The following COL18A1 variants were observed in gnomAD, a reference collection of about 807,000 sequenced individuals.
COL18A1 encodes collagen alpha-1(XVIII) chain.
Under a neutral mutation model 168.0 loss-of-function variants are expected in COL18A1, and 133 were observed. The observed-to-expected ratio is 0.79, with a 90% CI of 0.69 to 0.91. COL18A1 has a LOEUF of 0.91. COL18A1 is among the 40% of genes least tolerant of loss of function. COL18A1 has a pLI of 0.00. For missense variants in COL18A1, 2,126 were observed against 1,925.4 expected (o/e 1.10, Z -1.95); for synonymous variants, 949 against 809.0 (o/e 1.17, Z -2.94).
intron 2 of COL18A1, among the ~76,000 whole-genome samples, chr21:45,464,970 T>C (rs2035153147): frequency 6.6e-6 from 1 of 152,172 alleles, no homozygotes; most frequent in African/African-American, 2.4e-5. Flanking sequence ...GCTGCACATG[T>C]GTACATATGC....
At chr21:45,502,188 G>A (rs11702255) in intron 32 of COL18A1, among the ~76,000 whole-genome samples, 54,205 of 151,832 alleles carry the variant, frequency 0.36, 9,961 homozygotes, top group Middle Eastern at 0.46. Flanking sequence ...CCCCAGGGAC[G>A]GCTCCTGTGG....
chr21:45,476,330 A>ACCT (rs2035648524), intron 5 of COL18A1, 21 bp from the exon 6 acceptor site: 4 of 1,613,524 alleles, frequency 2.5e-6, no homozygotes, highest in African/African-American at 2.7e-5. Context: ...ATAACAGGCC[A>ACCT]CCTCCCCTCT....
intron 2 of COL18A1, among the ~76,000 whole-genome samples, chr21:45,448,836 C>G (rs1186856375): frequency 1.3e-5 from 2 of 152,258 alleles, no homozygotes. Flanking sequence ...GCTCTGTAGT[C>G]TGTTGACTCT....
chr21:45,472,263 GC>G (rs1458196164), intron 3 of COL18A1, among the ~76,000 whole-genome samples: 5 of 150,216 alleles, frequency 3.3e-5, no homozygotes, highest in Admixed American at 6.6e-5. Flanking sequence ...TCGCTCTGTC[GC>G]CCAGGCTGGA....
chr21:45,487,266 CG>C (rs565010849), intron 16 of COL18A1, among the ~76,000 whole-genome samples, 180 bp from the exon 17 acceptor site: 47 of 152,250 alleles, frequency 3.1e-4, no homozygotes, highest in African/African-American at 1.1e-3. Flanking sequence ...CGGGCTGCCC[CG>C]GGGGGGCTCC....
At chr21:45,495,914 T>TTCCATG in intron 29 of COL18A1, 1 of 311,778 alleles carries the variant, frequency 3.2e-6, no homozygotes. Flanking sequence ...CCCTGGCCCA[T>TTCCATG]TCCATGATGG....
intron 38 of COL18A1, among the ~76,000 whole-genome samples, chr21:45,508,048 G>GA: frequency 6.6e-6 from 1 of 151,598 alleles, no homozygotes; most frequent in Admixed American, 6.6e-5. Context: ...TACGTAGGTA[G>GA]ATGGGGAGGT....
chr21:45,416,610 G>A (rs1183809589), intron 2 of COL18A1, among the ~76,000 whole-genome samples: 1 of 152,046 alleles, frequency 6.6e-6, no homozygotes, highest in Non-Finnish European at 1.5e-5. Context: ...CCTGGACCGC[G>A]GTCCGTCCTC....
intron 10 of COL18A1, 50 bp downstream of exon 10, chr21:45,480,014 C>T (rs1459452147): frequency 2.5e-6 from 4 of 1,613,198 alleles, no homozygotes; most frequent in African/African-American, 1.3e-5. Flanking sequence ...GCCCTTGGCT[C>T]AAGGTGGGGG....
At chr21:45,454,428 A>C (rs1241775987) in intron 2 of COL18A1, among the ~76,000 whole-genome samples, 4 of 152,110 alleles carry the variant, frequency 2.6e-5, no homozygotes, top group Non-Finnish European at 4.4e-5. Context: ...GAGGGACTCC[A>C]GCTGGGGGAG....
At chr21:45,405,912 A>G (rs1359197875) in intron 2 of COL18A1, among the ~76,000 whole-genome samples, 11 of 151,224 alleles carry the variant, frequency 7.3e-5, no homozygotes, top group Non-Finnish European at 3.0e-5. Flanking sequence ...CAACCTGTTG[A>G]GGCTCCTCGC....
intron 5 of COL18A1, among the ~76,000 whole-genome samples, chr21:45,475,750 C>G (rs13052052): frequency 2.6e-5 from 4 of 152,266 alleles, no homozygotes; most frequent in African/African-American, 9.6e-5. Flanking sequence ...CGCCGCGTGT[C>G]TCTGGTGAGA....
In COL18A1 at chr21:45,422,189, C is replaced by T. The variant is rs543426269; in HGVS notation, c.106+16716C>T. Among the ~76,000 whole-genome samples the T allele has an allele frequency of 9.2e-5, 14 of 152,282 alleles. No homozygotes were observed. In the South Asian group the frequency reaches 2.7e-3, roughly 29 times the overall value. ...GGGCTCACACACACACACACACATG[C>T]AGGCACACACAGGCTCACTGTGAGG... On this transcript the variant is annotated intron_variant, in intron 2 of 41. Transcript: ENST00000651438.
intron 2 of COL18A1, chr21:45,456,936 T>C: frequency 7.5e-7 from 1 of 1,331,782 alleles, no homozygotes; most frequent in South Asian, 1.7e-5. Flanking sequence ...GCCAGGTAAG[T>C]GTGGGCGGGG....
chr21:45,494,328 G>C, intron 26 of COL18A1: 2 of 562,524 alleles, frequency 3.6e-6, no homozygotes, highest in East Asian at 3.7e-5. Flanking sequence ...CCCCAAACCC[G>C]ACCCTCCCCT....
chr21:45,460,310 C>A (rs570051084), intron 2 of COL18A1, among the ~76,000 whole-genome samples: 1 of 152,144 alleles, frequency 6.6e-6, no homozygotes, highest in Non-Finnish European at 1.5e-5. Context: ...CAGAGTGGGG[C>A]GCAACTGGGC....
rs9979599 is a variant in COL18A1 at position 45,479,758 on chromosome 21, G to A, written c.1249-144G>A. ...CGGGAGACAGTCTGCTGGGCCTGGC[G>A]CCCTCGTACTTTCCGGGCCCCAGAG... On this transcript the variant is annotated intron_variant, in intron 9 of 41. Transcript: ENST00000651438. 0.11 allele frequency: 126,240 copies of A among 1,164,938 alleles called. 8,051 individuals are homozygous for A. Among genetic ancestry groups the A allele is most frequent in the African/African-American group, 0.24 (15,628 of 64,464 alleles). 72.2% of individuals were successfully genotyped at this position (1,164,938 alleles called of 1,614,324 possible). A position where few individuals can be genotyped will look rare whatever the true frequency, so the allele number is the denominator to read the frequency against.
intron 32 of COL18A1, among the ~76,000 whole-genome samples, chr21:45,499,281 G>C (rs577123210): frequency 6.6e-6 from 1 of 152,226 alleles, no homozygotes; most frequent in Admixed American, 6.5e-5. Context: ...TATTTCAGGG[G>C]GAAGACAAGG....
At position 45,512,329 on chromosome 21, in the gene COL18A1, T is replaced by C. The variant is rs2146152463; in HGVS notation, c.3951T>C (p.Ser1317=). Residue 1317 remains serine, a synonymous_variant, in exon 42 of 42, where the codon AGT becomes AGC. Coordinates refer to ENST00000651438, the MANE Select transcript of COL18A1 (RefSeq NM_001379500.1). The part of the protein sequence containing the change: ...SLLGGRLLGQ[S]AASCHHAYIV... ...TGGGGGGCAGGCTCCTGGGGCAGAGTGCCGCGAGCTGCCATCACGCCTACA... is the reference window on the plus strand; with the variant it reads ...TGGGGGGCAGGCTCCTGGGGCAGAGCGCCGCGAGCTGCCATCACGCCTACA... 6.2e-7 allele frequency: 1 copy of C among 1,612,452 alleles called. No individual in the cohort carries two copies. The highest frequency in any genetic ancestry group is 1.1e-5 in the South Asian group (1 of 91,052).
Sources: gnomAD v4.1 joint callset for allele counts (sites outside exome capture counted in the v4.1 genomes callset) on GRCh38, gnomAD v4.1.1 for gene constraint, MANE v1.5 for transcripts, NCBI Gene and HGNC (gene_info 2026-07-23, HGNC 2026-07-21) for gene names.